The following ANAPC1 variants were observed in gnomAD, a reference collection of about 807,000 sequenced individuals.
ANAPC1 encodes anaphase-promoting complex subunit 1.
In ANAPC1, 36 loss-of-function variants were observed where a neutral mutation model predicts 208.0. The observed-to-expected ratio is 0.17, with a 90% CI of 0.13 to 0.23. ANAPC1 has a LOEUF of 0.23. Among genes scored for constraint, ANAPC1 ranks in the 10% least tolerant of loss-of-function variants. The pLI is 1.00. For missense variants in ANAPC1, 942 were observed against 2,011.6 expected (o/e 0.47, Z 10.17); for synonymous variants, 378 against 695.2 (o/e 0.54, Z 7.18).
Position 111,834,777 on chromosome 2 carries a change from C to G in ANAPC1, c.2211G>C (p.Gln737His). The G allele has an allele frequency of 6.2e-7, 1 of 1,613,200 alleles. No individual in the cohort carries two copies. Among genetic ancestry groups the G allele is most frequent in the Non-Finnish European group, 8.5e-7 (1 of 1,179,692 alleles). Residue 737 changes from glutamine to histidine, a missense_variant, in exon 19 of 48, where the codon CAG becomes CAC. Coordinates refer to ENST00000341068, the MANE Select transcript of ANAPC1 (RefSeq NM_022662.4). ...TCTGTGAAAAATCCTCATCCTTCAT[C>G]TGTGAAGCTTCTGAAGGACTCAGAC... ...SLCLSPSEAS[Q>H]MKDEDFSQNL...
Position 111,834,731 on chromosome 2 carries a change from T to C in ANAPC1, c.2257A>G (p.Thr753Ala), listed in dbSNP as rs768795828. ...GCAGGTATGTGAGTAAAGAGAAGTGTAGAAGAATCCAGACTGAGATTCTGT... is the reference window on the plus strand; with the variant it reads ...GCAGGTATGTGAGTAAAGAGAAGTGCAGAAGAATCCAGACTGAGATTCTGT... ...FSQNLSLDSS[T>A]LLFTHIPAIF... The change falls in exon 19 of 48, where the codon ACA becomes GCA. Residue 753 changes from threonine (T) to alanine (A), a missense_variant. Transcript: ENST00000341068. 4 of 1,613,548 alleles carry C rather than the reference T, an allele frequency of 2.5e-6. No homozygotes were observed. Among genetic ancestry groups the C allele is most frequent in the South Asian group, 2.2e-5 (2 of 91,040 alleles).
intron 16 of ANAPC1, among the ~76,000 whole-genome samples, chr2:111,846,546 T>TACAC (rs1681077039): frequency 1.8e-5 from 1 of 56,482 alleles, no homozygotes; most frequent in Non-Finnish European, 3.5e-5. Flanking sequence ...TATATATATA[T>TACAC]ATATATATAT....
At chr2:111,841,995 A>C (rs1680790167) in intron 17 of ANAPC1, among the ~76,000 whole-genome samples, 1 of 152,208 alleles carries the variant, frequency 6.6e-6, no homozygotes, top group South Asian at 2.1e-4. Context: ...CCCTTTCCAA[A>C]CATTACTTGA....
At chr2:111,823,499 GA>G (rs1049557012) in intron 24 of ANAPC1, among the ~76,000 whole-genome samples, 40 of 143,894 alleles carry the variant, frequency 2.8e-4, no homozygotes, top group African/African-American at 5.3e-4. Context: ...GTTTGTTATG[GA>G]AAAAAAAAAA....
chr2:111,883,280 A>G, intron 1 of ANAPC1, among the ~76,000 whole-genome samples: 1 of 151,506 alleles, frequency 6.6e-6, no homozygotes, highest in East Asian at 1.9e-4. Context: ...CGAACTTTTG[A>G]CTTTATGAAA....
At chr2:111,843,081 T>C (rs573782093) in intron 17 of ANAPC1, among the ~76,000 whole-genome samples, 1 of 152,336 alleles carries the variant, frequency 6.6e-6, no homozygotes, top group East Asian at 1.9e-4. Flanking sequence ...ACCACAGATC[T>C]GTGATTTCTT....
intron 10 of ANAPC1, among the ~76,000 whole-genome samples, chr2:111,862,092 CA>C (rs1682099679): frequency 6.7e-6 from 1 of 148,708 alleles, no homozygotes; most frequent in Admixed American, 6.8e-5. Context: ...TTAGTAGAGA[CA>C]GGGTTTCACA....
At chr2:111,870,553 G>C (rs1034470148) in intron 6 of ANAPC1, among the ~76,000 whole-genome samples, 15 of 152,046 alleles carry the variant, frequency 9.9e-5, no homozygotes, top group African/African-American at 2.9e-4. Flanking sequence ...CCCACTTTTT[G>C]AGCTTCTGTC....
chr2:111,779,129 C>A (rs1213972588), intron 44 of ANAPC1: 1 of 209,610 alleles, frequency 4.8e-6, no homozygotes, highest in South Asian at 7.3e-5. Flanking sequence ...CTGTCCAGAA[C>A]AAGTTTAGGG....
At chr2:111,860,076 T>G (rs976471596) in intron 10 of ANAPC1, among the ~76,000 whole-genome samples, 1 of 151,934 alleles carries the variant, frequency 6.6e-6, no homozygotes, top group Non-Finnish European at 1.5e-5. Flanking sequence ...GGCAAGCAGG[T>G]TGCTTGAGCC....
intron 13 of ANAPC1, chr2:111,856,273 G>GA: frequency 4.8e-6 from 1 of 209,700 alleles, no homozygotes; most frequent in East Asian, 1.2e-4. Context: ...TTAATATAGT[G>GA]AAACTTTACC....
intron 25 of ANAPC1, 112 bp from the exon 26 acceptor site, chr2:111,821,565 A>C: frequency 3.3e-6 from 4 of 1,222,008 alleles, no homozygotes; most frequent in Non-Finnish European, 3.5e-6. Context: ...CAGAGAAAAT[A>C]TGTTTTCCAA....
intron 17 of ANAPC1, among the ~76,000 whole-genome samples, chr2:111,841,793 G>A (rs1222474670): frequency 3.3e-5 from 5 of 152,036 alleles, no homozygotes; most frequent in Admixed American, 6.6e-5. Flanking sequence ...ATAGACAAAG[G>A]ACATGAAATA....
Position 111,769,303 on chromosome 2 carries a change from T to C in ANAPC1, c.5823A>G (p.Pro1941=), listed in dbSNP as rs1676590380. The change falls in exon 48 of 48, where the codon CCA becomes CCG. Residue 1941 remains proline, a synonymous_variant. Coordinates refer to ENST00000341068, the MANE Select transcript of ANAPC1 (RefSeq NM_022662.4). Reference sequence around the variant, plus strand: ...CCGCCAGACACGGTCACATCACCATTGGCTGTGGATTTCCAAGAAGCAAAG... The same window carrying C: ...CCGCCAGACACGGTCACATCACCATCGGCTGTGGATTTCCAAGAAGCAAAG... The part of the protein sequence containing the change: ...LAPLLLGNPQ[P]MVM The C allele has an allele frequency of 1.9e-6, 3 of 1,592,228 alleles. No individual in the cohort carries two copies. The African/African-American group carries it at 4.0e-5, about 21-fold the overall frequency.
chr2:111,778,387 G>T (rs1677098279), intron 45 of ANAPC1, among the ~76,000 whole-genome samples: 1 of 149,804 alleles, frequency 6.7e-6, no homozygotes, highest in South Asian at 2.1e-4. Context: ...TAAGATGGGA[G>T]AGAGGAAGGG....
chr2:111,835,483 A>AT (rs1446764902), intron 18 of ANAPC1, among the ~76,000 whole-genome samples: 2 of 152,228 alleles, frequency 1.3e-5, no homozygotes, highest in African/African-American at 2.4e-5. Flanking sequence ...TGTAAGGCTT[A>AT]ATACAGTGTG....
At chr2:111,844,223 A>T (rs1680927483) in intron 16 of ANAPC1, among the ~76,000 whole-genome samples, 1 of 152,116 alleles carries the variant, frequency 6.6e-6, no homozygotes, top group African/African-American at 2.4e-5. Context: ...CCCAGCAATT[A>T]CTAACTGCTC....
At chr2:111,775,251 C>T (rs1442245439) in intron 46 of ANAPC1, among the ~76,000 whole-genome samples, 1 of 152,074 alleles carries the variant, frequency 6.6e-6, no homozygotes, top group Non-Finnish European at 1.5e-5. Flanking sequence ...GGCGACAGAG[C>T]GAGACTCTGT....
chr2:111,831,098 G>A (rs1268836048), intron 21 of ANAPC1, among the ~76,000 whole-genome samples, 188 bp downstream of exon 21: 3 of 152,152 alleles, frequency 2.0e-5, no homozygotes, highest in Admixed American at 6.5e-5. Flanking sequence ...GATAAGTCTC[G>A]AAATCATGAG....
Sources: allele counts gnomAD v4.1 joint callset (sites outside exome capture counted in the v4.1 genomes callset), GRCh38; gene constraint gnomAD v4.1.1; transcripts MANE v1.5; gene names NCBI Gene and HGNC (gene_info 2026-07-23, HGNC 2026-07-21).